Variants in EYS observed in about 807,000 individuals in gnomAD.
EYS encodes EGF-like photoreceptor maintenance factor.
In EYS, 250 loss-of-function variants were observed where a neutral mutation model predicts 282.1. That is an observed-to-expected ratio of 0.89 (90% CI 0.80 to 0.98). The LOEUF (loss-of-function observed/expected upper bound fraction) is 0.98, where lower values mean the gene tolerates loss of function less well. Ranked by LOEUF, EYS falls within the 50% of genes least tolerant of loss-of-function variation. The pLI, the probability that EYS is intolerant of heterozygous loss-of-function variation, is 0.00. For missense variants in EYS, 4,016 were observed against 3,709.0 expected (o/e 1.08, Z -2.15); for synonymous variants, 1,355 against 1,282.9 (o/e 1.06, Z -1.20).
At chr6:65,330,923 A>G in intron 11 of EYS, 1 of 983,262 alleles carries the variant, frequency 1.0e-6, no homozygotes, top group Non-Finnish European at 1.2e-6. Context: ...CATTTACTAA[A>G]GAACCCTGTA....
At chr6:65,064,058 A>T (rs929350172) in intron 12 of EYS, among the ~76,000 whole-genome samples, 3 of 149,722 alleles carry the variant, frequency 2.0e-5, no homozygotes, top group Non-Finnish European at 4.4e-5. Flanking sequence ...ATGCTCTGCC[A>T]TATACTAATA....
intron 13 of EYS, among the ~76,000 whole-genome samples, chr6:65,011,410 C>T (rs1771865012): frequency 6.6e-6 from 1 of 152,174 alleles, no homozygotes; most frequent in African/African-American, 2.4e-5. Context: ...TCTAAAACTA[C>T]AAATCGTTCT....
chr6:65,054,099 G>T (rs1266739161), intron 13 of EYS, among the ~76,000 whole-genome samples: 3 of 151,814 alleles, frequency 2.0e-5, no homozygotes, highest in Non-Finnish European at 4.4e-5. Flanking sequence ...TTCAAAAATT[G>T]TATTTATTCA....
chr6:64,647,705 G>A (rs939285888), intron 22 of EYS, among the ~76,000 whole-genome samples: 1 of 151,696 alleles, frequency 6.6e-6, no homozygotes, highest in Non-Finnish European at 1.5e-5. Context: ...TTAAAACTCA[G>A]TTAAATAAAG....
At chr6:65,221,204 C>T (rs1766454871) in intron 12 of EYS, among the ~76,000 whole-genome samples, 1 of 152,172 alleles carries the variant, frequency 6.6e-6, no homozygotes, top group Non-Finnish European at 1.5e-5. Context: ...AAGTTGGTTG[C>T]AGAAATTTGC....
chr6:65,156,580 A>G (rs1764735254), intron 12 of EYS, among the ~76,000 whole-genome samples: 1 of 151,080 alleles, frequency 6.6e-6, no homozygotes, highest in African/African-American at 2.4e-5. Context: ...TGTTCCTGAG[A>G]ACAAATTATC....
intron 14 of EYS, among the ~76,000 whole-genome samples, chr6:64,980,016 T>C (rs1463093415): frequency 1.3e-5 from 2 of 151,562 alleles, no homozygotes; most frequent in Non-Finnish European, 3.0e-5. Context: ...TGATGGTGTA[T>C]AATAGAATCT....
At chr6:64,473,396 A>C (rs1776176858) in intron 26 of EYS, among the ~76,000 whole-genome samples, 1 of 152,170 alleles carries the variant, frequency 6.6e-6, no homozygotes, top group South Asian at 2.1e-4. Context: ...AACATGAATA[A>C]ATAGAAATAA....
intron 22 of EYS, among the ~76,000 whole-genome samples, chr6:64,748,743 T>C (rs1772640816): frequency 6.6e-6 from 1 of 152,188 alleles, no homozygotes; most frequent in Non-Finnish European, 1.5e-5. Context: ...TGATAGCATG[T>C]ATAATGTCAC....
chr6:64,010,409 GGT>G (rs1357293753), intron 33 of EYS, among the ~76,000 whole-genome samples: 1 of 151,014 alleles, frequency 6.6e-6, no homozygotes, highest in East Asian at 2.0e-4. Context: ...GGGGGGTGGT[GGT>G]GTGGAGAGAA....
intron 14 of EYS, among the ~76,000 whole-genome samples, chr6:64,952,792 A>G (rs1167323902): frequency 2.0e-5 from 3 of 152,030 alleles, no homozygotes; most frequent in Non-Finnish European, 4.4e-5. Context: ...TATTGTATTT[A>G]AAAATATCTT....
At chr6:63,970,543 G>A (rs1020956830) in intron 35 of EYS, among the ~76,000 whole-genome samples, 1 of 152,008 alleles carries the variant, frequency 6.6e-6, no homozygotes, top group African/African-American at 2.4e-5. Context: ...GCTGAGGCAG[G>A]AGACTGGCAT....
intron 14 of EYS, among the ~76,000 whole-genome samples, chr6:64,989,824 A>ACACT (rs1554224901): frequency 1.3e-5 from 2 of 148,186 alleles, no homozygotes; most frequent in Non-Finnish European, 3.0e-5. Flanking sequence ...ACACACACAC[A>ACACT]CACACACACT....
At chr6:63,811,414 A>G (rs1771043273) in intron 36 of EYS, among the ~76,000 whole-genome samples, 1 of 152,128 alleles carries the variant, frequency 6.6e-6, no homozygotes, top group African/African-American at 2.4e-5. Flanking sequence ...GACAAGGTTG[A>G]TTATTTCTTT....
intron 12 of EYS, among the ~76,000 whole-genome samples, chr6:65,176,627 G>A (rs1039049259): frequency 6.6e-6 from 1 of 151,526 alleles, no homozygotes; most frequent in Non-Finnish European, 1.5e-5. Context: ...TGGGATTTAA[G>A]TTTCTCCACC....
intron 30 of EYS, among the ~76,000 whole-genome samples, chr6:64,301,852 C>A (rs1023588334): frequency 6.6e-6 from 1 of 152,132 alleles, no homozygotes; most frequent in African/African-American, 2.4e-5. Context: ...TGGTGGAGAC[C>A]ACATAATTTC....
Position 64,516,411 on chromosome 6 carries a change from C to T in EYS, c.5644+73812G>A, listed in dbSNP as rs1183503505. Among the ~76,000 whole-genome samples the T allele has an allele frequency of 4.0e-5, 6 of 151,468 alleles. No individual in the cohort carries two copies. In the South Asian group the frequency reaches 8.3e-4, roughly 21 times the overall value. On this transcript the variant is annotated intron_variant, in intron 26 of 42. Coordinates refer to ENST00000503581, the MANE Select transcript of EYS (RefSeq NM_001142800.2). The stretch of plus-strand genomic sequence containing the variant: ...AAAACAGCTATGACACAAGTTTACC[C>T]GTGTAACAAATCTGCACCTGTACCC...
In EYS at chr6:65,047,385, A is replaced by T. The variant is rs563649798; in HGVS notation, c.2137+10229T>A. On this transcript the variant is annotated intron_variant, in intron 13 of 42. Transcript: ENST00000503581. Reference sequence around the variant, plus strand: ...TGTTGATCTTGACAAAGTCCAATTTATTAATTTTTCCATTTCTGGATCCTG... The same window carrying T: ...TGTTGATCTTGACAAAGTCCAATTTTTTAATTTTTCCATTTCTGGATCCTG... 2.3e-3 allele frequency among the ~76,000 whole-genome samples: 343 copies of T among 151,960 alleles called. 5 individuals are homozygous for T. Among genetic ancestry groups the T allele is most frequent in the South Asian group, 0.015 (73 of 4,830 alleles).
At chr6:64,129,495 A>G (rs1218940562) in intron 31 of EYS, among the ~76,000 whole-genome samples, 1 of 151,668 alleles carries the variant, frequency 6.6e-6, no homozygotes, top group East Asian at 1.9e-4. Context: ...TTTTCTTGTA[A>G]ATTTGTTTGA....
Sources: gnomAD v4.1 joint callset for allele counts (sites outside exome capture counted in the v4.1 genomes callset) on GRCh38, gnomAD v4.1.1 for gene constraint, MANE v1.5 for transcripts, NCBI Gene and HGNC (gene_info 2026-07-23, HGNC 2026-07-21) for gene names.